PPIG: variants seen among roughly 807,000 people sequenced by gnomAD.
PPIG encodes the protein peptidyl-prolyl cis-trans isomerase G.
Under a neutral mutation model 87.9 loss-of-function variants are expected in PPIG, and 26 were observed. The ratio of observed to expected loss-of-function variants is 0.30; its 90% CI spans 0.22 to 0.41. The LOEUF (loss-of-function observed/expected upper bound fraction) is 0.41. Among genes scored for constraint, PPIG ranks in the 10% least tolerant of loss-of-function variants. PPIG has a pLI of 1.00. For synonymous variants in PPIG, 308 were observed against 276.5 expected, an observed-to-expected ratio of 1.11 and a Z score of -1.13; for missense variants, 722 against 879.4, an observed-to-expected ratio of 0.82 and a Z score of 2.26.
At position 169,614,500 on chromosome 2, in the gene PPIG, ATTATT is replaced by A; in HGVS notation, c.407+14_407+18del. On this transcript the variant is annotated splice_region_variant and intron_variant, in intron 8 of 13. Transcript: ENST00000260970. The stretch of plus-strand genomic sequence containing the variant: ...CAACTCCTCATTTAGATGGGTAAAT[ATTATT>A]TTATTTATTTTACAACCTGTTTTAA... 6.4e-7 allele frequency: 1 copy of A among 1,561,944 alleles called. No homozygotes were observed. The highest frequency in any genetic ancestry group is 8.7e-7 in the Non-Finnish European group (1 of 1,147,604).
At chr2:169,601,297 C>G (rs539001693) in intron 1 of PPIG, among the ~76,000 whole-genome samples, 4 of 152,172 alleles carry the variant, frequency 2.6e-5, no homozygotes, top group Non-Finnish European at 5.9e-5. Context: ...CACATTTATT[C>G]ATTCATTTAA....
intron 9 of PPIG, among the ~76,000 whole-genome samples, chr2:169,621,517 A>C (rs1685750765): frequency 6.6e-6 from 1 of 152,254 alleles, no homozygotes; most frequent in Middle Eastern, 3.4e-3. Flanking sequence ...CAAGATGTTG[A>C]GAATCTTTGA....
chr2:169,604,327 G>GGGT, intron 4 of PPIG, 66 bp downstream of exon 4: 1 of 344,820 alleles, frequency 2.9e-6, no homozygotes, highest in African/African-American at 5.0e-5. Flanking sequence ...TGCTTGCTTG[G>GGGT]TTTTTTTTTT....
intron 9 of PPIG, among the ~76,000 whole-genome samples, chr2:169,623,335 A>G (rs1685804268): frequency 6.6e-6 from 1 of 152,178 alleles, no homozygotes; most frequent in Non-Finnish European, 1.5e-5. Flanking sequence ...TTGTTAACCC[A>G]TTTATGCCGG....
chr2:169,619,342 T>G (rs1013295248), intron 9 of PPIG, among the ~76,000 whole-genome samples: 1 of 152,166 alleles, frequency 6.6e-6, no homozygotes, highest in African/African-American at 2.4e-5. Context: ...AGAATGTATA[T>G]TCTGTTGATT....
intron 1 of PPIG, among the ~76,000 whole-genome samples, chr2:169,602,314 T>A (rs1356066784): frequency 6.6e-6 from 1 of 152,080 alleles, no homozygotes; most frequent in African/African-American, 2.4e-5. Context: ...TATATTAAAA[T>A]TAGCCTGGTT....
At chr2:169,610,582 A>G (rs1461312843) in intron 7 of PPIG, among the ~76,000 whole-genome samples, 2 of 151,268 alleles carry the variant, frequency 1.3e-5, no homozygotes, top group Admixed American at 6.6e-5. Flanking sequence ...CTTCCACTCC[A>G]TTCCCATTTC....
At chr2:169,635,966 T>A in intron 12 of PPIG, 126 bp from the exon 13 acceptor site, 1 of 474,922 alleles carries the variant, frequency 2.1e-6, no homozygotes, top group Non-Finnish European at 3.6e-6. Flanking sequence ...GCTTTTTATA[T>A]TTTTTTTATT....
At position 169,584,404 on chromosome 2, in the gene PPIG, C is replaced by A. The variant is rs921621308; in HGVS notation, c.-156C>A. On this transcript the variant is annotated 5_prime_UTR_variant, in exon 1 of 14. Transcript: ENST00000260970. ...AGTTGTGGGGGAGGGAGGCGGTTAGCGGGCTTTAGCGCCTTTTCTGGCGGC... is the reference window on the plus strand; with the variant it reads ...AGTTGTGGGGGAGGGAGGCGGTTAGAGGGCTTTAGCGCCTTTTCTGGCGGC... 1 of 471,112 alleles carries A rather than the reference C, an allele frequency of 2.1e-6. No individual in the cohort carries two copies. The highest frequency in any genetic ancestry group is 4.4e-6 in the Non-Finnish European group (1 of 227,040). The allele number at this position is 471,112 out of a possible 1,614,324, so 29.2% of individuals were successfully genotyped here.
intron 9 of PPIG, among the ~76,000 whole-genome samples, chr2:169,630,104 T>G (rs1685996932): frequency 6.6e-6 from 1 of 151,890 alleles, no homozygotes; most frequent in African/African-American, 2.4e-5. Flanking sequence ...ACCTTCTAGC[T>G]TCACTTATTT....
intron 7 of PPIG, among the ~76,000 whole-genome samples, chr2:169,611,046 T>C (rs1016858766): frequency 2.6e-5 from 4 of 152,044 alleles, no homozygotes; most frequent in Middle Eastern, 6.8e-3. Flanking sequence ...CAGTCTCTAC[T>C]AAAATACAAA....
rs1354846253 is a variant in PPIG at position 169,638,150 on chromosome 2, C to T, written c.*627C>T. On this transcript the variant is annotated 3_prime_UTR_variant, in exon 14 of 14. Transcript: ENST00000260970. ...GCTTTTCCTGTCTAGTTGTGTTTTA[C>T]TTAACTGCCTATAAAAATCGTAAGA... is the stretch of plus-strand genomic sequence containing the variant. 6.6e-6 allele frequency: 1 copy of T among 151,962 alleles called. No individual in the cohort carries two copies. The highest frequency in any genetic ancestry group is 1.5e-5 in the Non-Finnish European group (1 of 67,936). The allele number at this position is 151,962 out of a possible 1,614,324, so 9.4% of individuals were successfully genotyped here.
chr2:169,634,642 C>A (rs1198286657), intron 12 of PPIG, among the ~76,000 whole-genome samples: 1 of 152,184 alleles, frequency 6.6e-6, no homozygotes, highest in African/African-American at 2.4e-5. Flanking sequence ...CAAGAATAAT[C>A]TGATTCTCCC....
intron 1 of PPIG, among the ~76,000 whole-genome samples, chr2:169,588,619 A>G (rs187901989): frequency 6.6e-6 from 1 of 152,254 alleles, no homozygotes; most frequent in Non-Finnish European, 1.5e-5. Flanking sequence ...AACTGGGGGT[A>G]AATCTTTTTT....
rs546200343 is a variant in PPIG at position 169,584,363 on chromosome 2, C to G, written c.-197C>G. On this transcript the variant is annotated 5_prime_UTR_variant, in exon 1 of 14. Coordinates refer to ENST00000260970, the MANE Select transcript of PPIG (RefSeq NM_004792.3). The stretch of plus-strand genomic sequence containing the variant: ...ACGCGCTTCCGGTGCGACGCTGTCT[C>G]TCCATGCCAGGACTGAGTTGTGGGG... 1.1e-5 allele frequency: 5 copies of G among 471,154 alleles called. No homozygotes were observed. Among genetic ancestry groups the G allele is most frequent in the African/African-American group, 1.0e-4 (5 of 50,228 alleles). 29.2% of individuals were successfully genotyped at this position (471,154 alleles called of 1,614,324 possible).
intron 7 of PPIG, among the ~76,000 whole-genome samples, chr2:169,609,717 T>C (rs1357266769): frequency 6.6e-6 from 1 of 152,178 alleles, no homozygotes; most frequent in Admixed American, 6.5e-5. Flanking sequence ...TGTTCCCTTA[T>C]TAGAATGTCA....
chr2:169,631,014 G>A, intron 10 of PPIG, 27 bp downstream of exon 10: 8 of 1,518,832 alleles, frequency 5.3e-6, no homozygotes, highest in Non-Finnish European at 6.2e-6. Flanking sequence ...TCTAATGCTA[G>A]CTTTATATTC....
chr2:169,626,655 G>T (rs1685895924), intron 9 of PPIG, among the ~76,000 whole-genome samples: 1 of 151,864 alleles, frequency 6.6e-6, no homozygotes, highest in African/African-American at 2.4e-5. Flanking sequence ...CTTCCAAAGT[G>T]CTGGGATTAT....
At chr2:169,606,211 T>C in intron 5 of PPIG, 65 bp downstream of exon 5, 1 of 1,207,968 alleles carries the variant, frequency 8.3e-7, no homozygotes, top group Non-Finnish European at 1.2e-6. Context: ...GTTAGACAAG[T>C]CCCTAGAAGT....
Sources: gnomAD v4.1 joint callset for allele counts (sites outside exome capture counted in the v4.1 genomes callset) on GRCh38, gnomAD v4.1.1 for gene constraint, MANE v1.5 for transcripts, NCBI Gene and HGNC (gene_info 2026-07-23, HGNC 2026-07-21) for gene names.